Variants in ARID4A observed in about 807,000 individuals in gnomAD.
ARID4A encodes the protein AT-rich interaction domain 4A, also known as AT-rich interactive domain-containing protein 4A.
A neutral mutation model predicts 148.6 loss-of-function variants in ARID4A; 39 were observed. The observed-to-expected ratio is 0.26, with a 90% CI of 0.20 to 0.34. The LOEUF (loss-of-function observed/expected upper bound fraction) is 0.34, where lower values mean the gene tolerates loss of function less well. Among genes scored for constraint, ARID4A ranks in the 10% least tolerant of loss-of-function variants. The pLI is 1.00. For synonymous variants in ARID4A, 475 were observed against 481.2 expected (o/e 0.99, Z 0.17); for missense variants, 1,265 against 1,449.1 (o/e 0.87, Z 2.06).
rs1161353981 is a variant in ARID4A at position 58,364,872 on chromosome 14, A to G, written c.2783A>G (p.Glu928Gly). ...CAATGCATCCAACAACTGACTAGTG[A>G]AAGATTTGATAGTCCAGCTGAAGAA... Reference protein sequence around the residue: ...SNQCIQQLTSERFDSPAEETV... With the variant: ...SNQCIQQLTSGRFDSPAEETV... The change falls in exon 20 of 24, where the codon GAA becomes GGA. Residue 928 changes from glutamate to glycine, a missense_variant. Coordinates refer to ENST00000355431, the MANE Select transcript of ARID4A (RefSeq NM_002892.4). 1 of 1,614,078 alleles carries G rather than the reference A, an allele frequency of 6.2e-7. No homozygotes were observed. Among genetic ancestry groups the G allele is most frequent in the Non-Finnish European group, 8.5e-7 (1 of 1,180,048 alleles).
At chr14:58,365,940 A>C in intron 21 of ARID4A, 84 bp from the exon 22 acceptor site, 1 of 1,177,044 alleles carries the variant, frequency 8.5e-7, no homozygotes, top group South Asian at 1.5e-5. Flanking sequence ...TAGGATACCA[A>C]GAAATGTAAT....
intron 22 of ARID4A, among the ~76,000 whole-genome samples, chr14:58,366,592 A>G (rs1461204469): frequency 6.6e-6 from 1 of 152,200 alleles, no homozygotes; most frequent in African/African-American, 2.4e-5. Context: ...AACTATTCTG[A>G]TAACTATAAT....
chr14:58,369,277 A>G (rs947796313), intron 23 of ARID4A, among the ~76,000 whole-genome samples: 1 of 152,184 alleles, frequency 6.6e-6, no homozygotes, highest in African/African-American at 2.4e-5. Flanking sequence ...CCCTCTATAA[A>G]TAATGGGGGT....
chr14:58,327,157 A>C (rs1303599107), intron 8 of ARID4A, among the ~76,000 whole-genome samples: 1 of 152,182 alleles, frequency 6.6e-6, no homozygotes, highest in African/African-American at 2.4e-5. Flanking sequence ...TAGAATTAAA[A>C]ATTCAGTCTC....
intron 17 of ARID4A, among the ~76,000 whole-genome samples, chr14:58,354,495 C>CA (rs2034781659): frequency 6.6e-6 from 1 of 151,892 alleles, no homozygotes; most frequent in Admixed American, 6.6e-5. Context: ...CCAGACCTGG[C>CA]AACATAGTTA....
At chr14:58,314,970 T>G (rs1282154912) in intron 5 of ARID4A, among the ~76,000 whole-genome samples, 1 of 151,998 alleles carries the variant, frequency 6.6e-6, no homozygotes, top group Admixed American at 6.6e-5. Flanking sequence ...AATACAGAAG[T>G]TAGCCGGGCC....
chr14:58,339,612 T>G (rs867470424), intron 11 of ARID4A, among the ~76,000 whole-genome samples: 1 of 152,016 alleles, frequency 6.6e-6, no homozygotes, highest in Non-Finnish European at 1.5e-5. Context: ...CTAAGAAAGT[T>G]AATAGCTCCT....
Position 58,372,302 on chromosome 14 carries a change from G to T in ARID4A, c.*313G>T. 1 of 293,652 alleles carries T rather than the reference G, an allele frequency of 3.4e-6. No homozygotes were observed. The highest frequency in any genetic ancestry group is 6.4e-6 in the Non-Finnish European group (1 of 157,236). 18.2% of individuals were successfully genotyped at this position (293,652 alleles called of 1,614,324 possible). On this transcript the variant is annotated 3_prime_UTR_variant, in exon 24 of 24. Coordinates refer to ENST00000355431, the MANE Select transcript of ARID4A (RefSeq NM_002892.4). Reference sequence around the variant, plus strand: ...TTGAATTTGTATAATAAAGCTTTCAGGTGTTACAGAAATCGTAGACAAGCA... The same window carrying T: ...TTGAATTTGTATAATAAAGCTTTCATGTGTTACAGAAATCGTAGACAAGCA...
At chr14:58,306,513 C>A (rs913701316) in intron 5 of ARID4A, among the ~76,000 whole-genome samples, 11 of 152,138 alleles carry the variant, frequency 7.2e-5, no homozygotes, top group African/African-American at 2.4e-4. Flanking sequence ...AAATCCTGAC[C>A]ATGGTAGATT....
At chr14:58,310,073 CA>C (rs1339210195) in intron 5 of ARID4A, among the ~76,000 whole-genome samples, 1 of 151,560 alleles carries the variant, frequency 6.6e-6, no homozygotes, top group Admixed American at 6.6e-5. Flanking sequence ...AAGTAGTAAA[CA>C]AAAAAAAGTG....
intron 18 of ARID4A, 81 bp from the exon 19 acceptor site, chr14:58,360,820 T>C: frequency 1.4e-6 from 2 of 1,402,082 alleles, no homozygotes; most frequent in Non-Finnish European, 2.0e-6. Context: ...TTTTTTGAGA[T>C]GTAGTTTTCT....
At chr14:58,328,971 G>T (rs182421035) in intron 9 of ARID4A, among the ~76,000 whole-genome samples, 15 of 142,908 alleles carry the variant, frequency 1.0e-4, no homozygotes, top group Admixed American at 5.7e-4. Context: ...CCAGCCTGAC[G>T]ACAGAGTGAG....
chr14:58,301,549 G>T, intron 2 of ARID4A, 31 bp from the exon 3 acceptor site: 1 of 1,516,454 alleles, frequency 6.6e-7, no homozygotes, highest in South Asian at 1.1e-5. Flanking sequence ...GCATAGTAAT[G>T]ACATTCACAG....
chr14:58,323,392 A>G (rs1265698849), intron 7 of ARID4A, 93 bp from the exon 8 acceptor site: 14 of 1,411,828 alleles, frequency 9.9e-6, no homozygotes, highest in South Asian at 7.8e-5. Flanking sequence ...GGTGTAGTCC[A>G]TTAGAAATTG....
At position 58,373,218 on chromosome 14, in the gene ARID4A, T is replaced by C. The variant is rs1289620058; in HGVS notation, c.*1229T>C. 5.0e-6 allele frequency: 1 copy of C among 199,096 alleles called. No individual in the cohort carries two copies. Among genetic ancestry groups the C allele is most frequent in the Non-Finnish European group, 1.0e-5 (1 of 96,162 alleles). The allele number at this position is 199,096 out of a possible 1,614,324, so 12.3% of individuals were successfully genotyped here. Reference sequence around the variant, plus strand: ...CCGAATGAATTTATATCTCCCAAAGTTGAGATGCAACAACTAAGTAAAGCA... The same window carrying C: ...CCGAATGAATTTATATCTCCCAAAGCTGAGATGCAACAACTAAGTAAAGCA... On this transcript the variant is annotated 3_prime_UTR_variant, in exon 24 of 24. Transcript: ENST00000355431.
intron 5 of ARID4A, among the ~76,000 whole-genome samples, chr14:58,309,188 T>C (rs2031831566): frequency 6.6e-6 from 1 of 152,200 alleles, no homozygotes; most frequent in South Asian, 2.1e-4. Context: ...CTATTGTAGC[T>C]TCCTGCAGCC....
At chr14:58,329,707 T>C in intron 10 of ARID4A, 103 bp downstream of exon 10, 4 of 1,081,540 alleles carry the variant, frequency 3.7e-6, no homozygotes, top group Non-Finnish European at 5.5e-6. Flanking sequence ...ATTTTAACTG[T>C]TTAGAGTTGA....
In ARID4A at chr14:58,372,419, G is replaced by T. The variant is rs1047551151; in HGVS notation, c.*430G>T. 4 of 233,720 alleles carry T rather than the reference G, an allele frequency of 1.7e-5. No individual in the cohort carries two copies. Among genetic ancestry groups the T allele is most frequent in the African/African-American group, 8.9e-5 (4 of 45,132 alleles). The allele number at this position is 233,720 out of a possible 1,614,324, so 14.5% of individuals were successfully genotyped here. ...TATTTGAACACTTGGTGAGTAGGGG[G>T]TTTATGTTGTGTTTTTTTTCATTAT... is the stretch of plus-strand genomic sequence containing the variant. On this transcript the variant is annotated 3_prime_UTR_variant, in exon 24 of 24. Transcript: ENST00000355431.
chr14:58,340,537 A>G (rs1466458461), intron 11 of ARID4A, among the ~76,000 whole-genome samples: 1 of 152,092 alleles, frequency 6.6e-6, no homozygotes, highest in Non-Finnish European at 1.5e-5. Context: ...TTTAGTAGAG[A>G]TGGGGTTTTA....
Sources: gnomAD v4.1 joint callset for allele counts (sites outside exome capture counted in the v4.1 genomes callset) on GRCh38, gnomAD v4.1.1 for gene constraint, MANE v1.5 for transcripts, NCBI Gene and HGNC (gene_info 2026-07-23, HGNC 2026-07-21) for gene names.